Variants in ZC3H12B observed in about 807,000 individuals in gnomAD.
ZC3H12B encodes the protein probable ribonuclease ZC3H12B.
Under a neutral mutation model 43.9 loss-of-function variants are expected in ZC3H12B, and 7 were observed. That is an observed-to-expected ratio of 0.16 (90% CI 0.09 to 0.30). ZC3H12B has a LOEUF of 0.30. ZC3H12B is among the 10% of genes least tolerant of loss of function. The probability of loss-of-function intolerance (pLI) is 1.00; values close to 1 mark genes in which losing one functional copy is unlikely to be tolerated. For synonymous variants in ZC3H12B, 222 were observed against 241.7 expected, an observed-to-expected ratio of 0.92 and a Z score of 0.76; for missense variants, 475 against 670.2, an observed-to-expected ratio of 0.71 and a Z score of 3.22.
the ZC3H12B span, among the ~76,000 whole-genome samples, chrX:65,140,274 A>G: frequency 5.4e-5 from 6 of 111,227 alleles, no homozygotes; most frequent in South Asian, 7.6e-4. Flanking sequence ...CCTCCCTTCT[A>G]TACCTAAATT....
chrX:65,088,716 T>C, the ZC3H12B span, among the ~76,000 whole-genome samples: 1 of 111,834 alleles, frequency 8.9e-6, no homozygotes, highest in Non-Finnish European at 1.9e-5. Flanking sequence ...ATTCCTCTTC[T>C]ACCTGATAAT....
chrX:65,304,971 A>T, the ZC3H12B span, among the ~76,000 whole-genome samples: 1 of 112,228 alleles, frequency 8.9e-6, no homozygotes, highest in Non-Finnish European at 1.9e-5. Flanking sequence ...TAATAAAAAA[A>T]CCAAATAAAT....
chrX:65,498,232 G>T (rs1212315612), intron 2 of ZC3H12B, among the ~76,000 whole-genome samples: 1 of 111,693 alleles, frequency 9.0e-6, no homozygotes, highest in Non-Finnish European at 1.9e-5. Context: ...ATGGAGGAAG[G>T]AGCCTAGGAA....
chrX:65,427,582 G>C, intron 3 of ZC3H12B, among the ~76,000 whole-genome samples: 1 of 110,564 alleles, frequency 9.0e-6, no homozygotes, highest in South Asian at 3.9e-4. Flanking sequence ...ACCCACCTTG[G>C]CCTCCCAAAG....
At chrX:65,180,794 A>G in the ZC3H12B span, among the ~76,000 whole-genome samples, 1 of 111,012 alleles carries the variant, frequency 9.0e-6, no homozygotes, top group South Asian at 3.7e-4. Flanking sequence ...AAAATTTAGG[A>G]AGAATCAAGA....
In ZC3H12B at chrX:65,406,597, C is replaced by T. The variant is rs865865101; in HGVS notation, n.407+7893C>T. The stretch of plus-strand genomic sequence containing the variant: ...CTGGGCGGGGCTGGGCGGGGCTGGG[C>T]GGGGCTGGGCGGGGCTGGGCGGGAC... On this transcript the variant is annotated intron_variant and non_coding_transcript_variant, in intron 3 of 5. Coordinates refer to the ZC3H12B transcript ENST00000617377. Among the ~76,000 whole-genome samples, 2 of 7,048 alleles carry T rather than the reference C, an allele frequency of 2.8e-4. 1 individual carries two copies. The highest frequency in any genetic ancestry group is 5.3e-4 in the Non-Finnish European group (2 of 3,739). The allele number at this position is 7,048 out of a possible 115,157, so 6.1% of individuals were successfully genotyped here.
At chrX:65,146,709 G>A in the ZC3H12B span, among the ~76,000 whole-genome samples, 89 of 111,600 alleles carry the variant, frequency 8.0e-4, no homozygotes, top group Non-Finnish European at 1.5e-3. Context: ...TGGGAGCCAA[G>A]CTGTAGTGAT....
chrX:65,381,475 G>T (rs1387370288), intron 2 of ZC3H12B, among the ~76,000 whole-genome samples: 1 of 111,167 alleles, frequency 9.0e-6, no homozygotes, highest in Non-Finnish European at 1.9e-5. Flanking sequence ...GAAATTTATA[G>T]CACTAAATGT....
the ZC3H12B span, among the ~76,000 whole-genome samples, chrX:65,057,442 T>C: frequency 1.4e-4 from 16 of 112,150 alleles, no homozygotes; most frequent in African/African-American, 2.0e-4. Context: ...GAGTTTCTGC[T>C]GAGAGATCTG....
At chrX:65,236,640 G>C in the ZC3H12B span, among the ~76,000 whole-genome samples, 2 of 111,447 alleles carry the variant, frequency 1.8e-5, no homozygotes, top group African/African-American at 6.5e-5. Context: ...TTTCCTGAAT[G>C]GTATTTCCTA....
chrX:65,229,797 C>G, the ZC3H12B span, among the ~76,000 whole-genome samples: 26 of 107,200 alleles, frequency 2.4e-4, no homozygotes, highest in African/African-American at 8.1e-4. Flanking sequence ...CTCATCATCA[C>G]TGGCCATCAG....
the ZC3H12B span, among the ~76,000 whole-genome samples, chrX:65,132,998 C>T: frequency 2.7e-5 from 3 of 111,186 alleles, no homozygotes; most frequent in Middle Eastern, 4.2e-3. Context: ...TTGGACAGTC[C>T]GATTTCCAGT....
chrX:65,359,958 C>T, the ZC3H12B span, among the ~76,000 whole-genome samples: 1 of 111,712 alleles, frequency 9.0e-6, no homozygotes, highest in South Asian at 3.7e-4. Context: ...CCACAGCTAC[C>T]TCATTCTTCA....
At chrX:65,456,788 G>A (rs759197308) in intron 3 of ZC3H12B, among the ~76,000 whole-genome samples, 31 of 108,881 alleles carry the variant, frequency 2.8e-4, no homozygotes, top group East Asian at 5.9e-4. Flanking sequence ...ATCTCGGCTC[G>A]CTACAACCTC....
At chrX:65,419,909 C>G (rs934288726) in intron 3 of ZC3H12B, among the ~76,000 whole-genome samples, 1 of 111,362 alleles carries the variant, frequency 9.0e-6, no homozygotes, top group Non-Finnish European at 1.9e-5. Flanking sequence ...GACCCAGGAT[C>G]CAGGCTCATT....
chrX:65,094,869 G>A, the ZC3H12B span, among the ~76,000 whole-genome samples: 1 of 111,998 alleles, frequency 8.9e-6, no homozygotes, highest in Non-Finnish European at 1.9e-5. Context: ...AAAAACACTT[G>A]TGTGTTTGAG....
chrX:65,404,239 G>T (rs1338214792), intron 3 of ZC3H12B, among the ~76,000 whole-genome samples: 2 of 111,367 alleles, frequency 1.8e-5, no homozygotes, highest in Non-Finnish European at 3.8e-5. Flanking sequence ...AAATTACAAT[G>T]GAAACAGAAA....
At chrX:65,485,797 C>T (rs757253064), upstream of ZC3H12B, among the ~76,000 whole-genome samples, 2 of 111,741 alleles carry the variant, frequency 1.8e-5, no homozygotes, top group Non-Finnish European at 3.8e-5. Flanking sequence ...TAACTCTTTC[C>T]TTTAAGGCTC....
chrX:65,436,703 T>C (rs2067226023), intron 3 of ZC3H12B, among the ~76,000 whole-genome samples: 1 of 111,620 alleles, frequency 9.0e-6, no homozygotes, highest in African/African-American at 3.3e-5. Context: ...TTTTAAACTG[T>C]GTGGGTACAT....
Sources: gnomAD v4.1 joint callset for allele counts (sites outside exome capture counted in the v4.1 genomes callset) on GRCh38, gnomAD v4.1.1 for gene constraint, MANE v1.5 for transcripts, NCBI Gene and HGNC (gene_info 2026-07-23, HGNC 2026-07-21) for gene names.